Variants in ARHGAP31 observed in about 807,000 individuals in gnomAD.
ARHGAP31 encodes the protein Rho GTPase activating protein 31.
Under a neutral mutation model 113.9 loss-of-function variants are expected in ARHGAP31, and 34 were observed. The ratio of observed to expected loss-of-function variants is 0.30; its 90% CI spans 0.23 to 0.40. The LOEUF (loss-of-function observed/expected upper bound fraction) is 0.40. ARHGAP31 is among the 10% of genes least tolerant of loss of function. The probability of loss-of-function intolerance (pLI) is 1.00; values close to 1 mark genes in which losing one functional copy is unlikely to be tolerated. For synonymous variants in ARHGAP31, 650 were observed against 684.8 expected (o/e 0.95, Z 0.79); for missense variants, 1,548 against 1,767.1 (o/e 0.88, Z 2.22).
At chr3:119,399,174 A>AG in intron 8 of ARHGAP31, 25 bp from the exon 9 acceptor site, 1 of 1,606,070 alleles carries the variant, frequency 6.2e-7, no homozygotes, top group Non-Finnish European at 8.5e-7. Context: ...GCATTCATCA[A>AG]GGATATTTTT....
intron 6 of ARHGAP31, among the ~76,000 whole-genome samples, chr3:119,387,955 T>G (rs922324079): frequency 3.9e-5 from 6 of 152,138 alleles, no homozygotes; most frequent in Non-Finnish European, 7.4e-5. Context: ...GAAGTGATCT[T>G]TGAAGTGAGA....
intron 1 of ARHGAP31, chr3:119,314,180 C>T (rs2079708982): frequency 6.6e-6 from 1 of 152,316 alleles, no homozygotes; most frequent in Admixed American, 6.5e-5. Flanking sequence ...ACGTTCCTTC[C>T]TCTGTGTGGA....
In ARHGAP31 at chr3:119,401,827, G is replaced by T. The variant is rs1316151567; in HGVS notation, c.1075G>T (p.Glu359Ter). ...SLCSVPVEGK[E>*]TKGNFNRTVT... ...CACTTGTTCCTTTTTACTAGGAAAA[G>T]AAACCAAGGGAAATTTCAATCGAAC... Residue 359 changes from glutamate to a stop codon, truncating the protein, a stop_gained, in exon 10 of 12, where the codon GAA (glutamate) becomes TAA (stop). Transcript: ENST00000264245. LOFTEE classifies it high-confidence loss of function. 6.2e-7 allele frequency: 1 copy of T among 1,613,878 alleles called. No homozygotes were observed. Among genetic ancestry groups the T allele is most frequent in the Admixed American group, 1.7e-5 (1 of 60,002 alleles).
At chr3:119,329,730 T>C (rs2079874733) in intron 1 of ARHGAP31, 3 of 898,718 alleles carry the variant, frequency 3.3e-6, no homozygotes, top group Non-Finnish European at 4.0e-6. Flanking sequence ...AAACAGAAGA[T>C]GCCCTTCCTG....
chr3:119,409,863 A>T lies in ARHGAP31; in HGVS notation c.1926+87A>T, dbSNP rs74369586. ...TACAATTTAAAGTAAATTGAAAAAA[A>T]ATTTTTTTTTGAAAAATCAGTTTCT... is the stretch of plus-strand genomic sequence containing the variant. On this transcript the variant is annotated intron_variant, in intron 11 of 11. Transcript: ENST00000264245. The T allele has an allele frequency of 0.18, 258,146 of 1,411,606 alleles. 24,959 individuals carry two copies. The highest frequency in any genetic ancestry group is 0.22 in the Admixed American group (7,814 of 36,068). 87.4% of individuals were successfully genotyped at this position (1,411,606 alleles called of 1,614,324 possible). A position where few individuals can be genotyped will look rare whatever the true frequency, so the allele number is the denominator to read the frequency against.
chr3:119,334,815 A>G (rs573049590), intron 1 of ARHGAP31, among the ~76,000 whole-genome samples: 1 of 152,308 alleles, frequency 6.6e-6, no homozygotes, highest in East Asian at 1.9e-4. Context: ...TGTTGCCCTT[A>G]TTTTACAAAG....
At chr3:119,371,457 A>T (rs1234511169) in intron 3 of ARHGAP31, among the ~76,000 whole-genome samples, 2 of 152,210 alleles carry the variant, frequency 1.3e-5, no homozygotes, top group Non-Finnish European at 2.9e-5. Flanking sequence ...ATGTTTTGTT[A>T]TGACAACTAA....
chr3:119,409,953 T>C (rs1233773373), intron 11 of ARHGAP31, among the ~76,000 whole-genome samples, 177 bp downstream of exon 11: 1 of 152,262 alleles, frequency 6.6e-6, no homozygotes, highest in African/African-American at 2.4e-5. Context: ...AGTGGACTTT[T>C]CAGAAGTCCT....
intron 1 of ARHGAP31, among the ~76,000 whole-genome samples, chr3:119,309,525 C>T (rs868191130): frequency 1.3e-5 from 2 of 151,794 alleles, no homozygotes; most frequent in South Asian, 2.1e-4. Context: ...GAGGTTGAGG[C>T]AGGAGAGTTG....
At chr3:119,352,841 G>A (rs571422167) in intron 1 of ARHGAP31, among the ~76,000 whole-genome samples, 2 of 152,292 alleles carry the variant, frequency 1.3e-5, no homozygotes, top group East Asian at 3.9e-4. Context: ...TTCCCAGACA[G>A]TCAGTAAAAA....
Position 119,365,361 on chromosome 3 carries a change from G to A in ARHGAP31, c.146G>A (p.Gly49Asp). The change falls in exon 2 of 12, where the codon GGC becomes GAC. Residue 49 changes from glycine (G) to aspartate (D), a missense_variant. Physicochemically the swap from Gly to Asp is moderately conservative, Grantham distance 94 (BLOSUM62 -1). Coordinates refer to ENST00000264245, the MANE Select transcript of ARHGAP31 (RefSeq NM_020754.4). ...TGTGCAGAATTTATAGAGACTCACG[G>A]CATCGTGGATGGAATCTATCGGCTT... ...KSCAEFIETHGIVDGIYRLSG... is the reference protein window; with the variant it reads ...KSCAEFIETHDIVDGIYRLSG... The A allele has an allele frequency of 6.2e-7, 1 of 1,614,132 alleles. No homozygotes were observed. Among genetic ancestry groups the A allele is most frequent in the Non-Finnish European group, 8.5e-7 (1 of 1,180,020 alleles).
intron 1 of ARHGAP31, among the ~76,000 whole-genome samples, chr3:119,333,882 A>C (rs970503828): frequency 3.3e-5 from 5 of 152,244 alleles, no homozygotes; most frequent in African/African-American, 1.2e-4. Context: ...AAATTGAAAT[A>C]AGCTGCCAAT....
At chr3:119,407,165 A>G (rs11718522) in intron 10 of ARHGAP31, among the ~76,000 whole-genome samples, 46,076 of 151,760 alleles carry the variant, frequency 0.3, 8,567 homozygotes, top group East Asian at 0.41. Flanking sequence ...GGCAAACATG[A>G]TGAAACCCCG....
intron 1 of ARHGAP31, chr3:119,324,780 G>T (rs1576994393): frequency 1.1e-5 from 4 of 375,706 alleles, no homozygotes; most frequent in South Asian, 4.1e-5. Context: ...CAGCACAGTT[G>T]TATCTATTCT....
At chr3:119,372,747 C>T (rs2080308947) in intron 3 of ARHGAP31, among the ~76,000 whole-genome samples, 1 of 152,198 alleles carries the variant, frequency 6.6e-6, no homozygotes, top group South Asian at 2.1e-4. Flanking sequence ...TCATTTAATT[C>T]TCAAAATAAC....
chr3:119,316,735 A>C (rs2079734935), intron 1 of ARHGAP31, among the ~76,000 whole-genome samples: 1 of 152,218 alleles, frequency 6.6e-6, no homozygotes, highest in Non-Finnish European at 1.5e-5. Flanking sequence ...CTCAGAGGGA[A>C]GGCTCTAGGG....
At chr3:119,325,668 G>C (rs1479183756) in intron 1 of ARHGAP31, among the ~76,000 whole-genome samples, 1 of 102,420 alleles carries the variant, frequency 9.8e-6, no homozygotes, top group Non-Finnish European at 2.1e-5. Flanking sequence ...TGGGGGGGAA[G>C]GGGGGGACGG....
At chr3:119,356,017 G>A (rs749111976) in intron 1 of ARHGAP31, among the ~76,000 whole-genome samples, 2 of 152,184 alleles carry the variant, frequency 1.3e-5, no homozygotes, top group Non-Finnish European at 2.9e-5. Flanking sequence ...ACTTAGTAAT[G>A]GAGATGAATC....
chr3:119,405,018 A>G (rs1435143915), intron 10 of ARHGAP31, among the ~76,000 whole-genome samples: 1 of 152,242 alleles, frequency 6.6e-6, no homozygotes, highest in Non-Finnish European at 1.5e-5. Context: ...AGATCAGAAT[A>G]AACATATAGC....
Sources: allele counts gnomAD v4.1 joint callset (sites outside exome capture counted in the v4.1 genomes callset), GRCh38; gene constraint gnomAD v4.1.1; transcripts MANE v1.5; gene names NCBI Gene and HGNC (gene_info 2026-07-23, HGNC 2026-07-21).